SMARCD3: variants seen among roughly 807,000 people sequenced by gnomAD.
SMARCD3 encodes the protein SWI/SNF-related matrix-associated actin-dependent regulator of chromatin subfamily D member 3.
In SMARCD3, 14 loss-of-function variants were observed where a neutral mutation model predicts 58.0. That is an observed-to-expected ratio of 0.24 (90% CI 0.16 to 0.38). The LOEUF is 0.38. Among genes scored for constraint, SMARCD3 ranks in the 10% least tolerant of loss-of-function variants. The pLI, the probability that SMARCD3 is intolerant of heterozygous loss-of-function variation, is 1.00. For synonymous variants in SMARCD3, 253 were observed against 253.8 expected (o/e 1.00, Z 0.03); for missense variants, 408 against 636.9 (o/e 0.64, Z 3.87).
chr7:151,266,901 T>C (rs754908193), intron 2 of SMARCD3, among the ~76,000 whole-genome samples: 1 of 152,142 alleles, frequency 6.6e-6, no homozygotes, highest in Non-Finnish European at 1.5e-5. Context: ...TTTGTAGAAA[T>C]GGGGTGTTGC....
chr7:151,257,730 C>T (rs776942025), intron 2 of SMARCD3, among the ~76,000 whole-genome samples: 7 of 152,124 alleles, frequency 4.6e-5, no homozygotes, highest in East Asian at 1.9e-4. Context: ...TCTGAGTCCC[C>T]GGGGACCATC....
At chr7:151,261,048 G>A (rs558705469) in intron 2 of SMARCD3, among the ~76,000 whole-genome samples, 1 of 152,274 alleles carries the variant, frequency 6.6e-6, no homozygotes, top group African/African-American at 2.4e-5. Flanking sequence ...AGGGGTGGGC[G>A]GTGGGGAGGC....
rs1404225695 is a variant in SMARCD3 at position 151,239,870 on chromosome 7, C to T, written c.1174-124G>A. The T allele has an allele frequency of 1.8e-6, 2 of 1,098,250 alleles. No individual in the cohort carries two copies. Among genetic ancestry groups the T allele is most frequent in the African/African-American group, 3.1e-5 (2 of 64,142 alleles). The allele number at this position is 1,098,250 out of a possible 1,614,324, so 68.0% of individuals were successfully genotyped here. The stretch of plus-strand genomic sequence containing the variant: ...CTGTGAAGGACAACCCCTCAGAGCC[C>T]CTGATTTCTCTGAAGTCCCAGGGGA... On this transcript the variant is annotated intron_variant, in intron 10 of 12. Transcript: ENST00000262188. This position sits in a 1 kb window ranked among gnomAD's most constrained non-coding sequence, Gnocchi z 7.0.
intron 1 of SMARCD3, among the ~76,000 whole-genome samples, chr7:151,276,439 G>A (rs1367893352): frequency 1.4e-5 from 2 of 144,410 alleles, no homozygotes. Context: ...GGGGAGGAGG[G>A]GAAGGTGCCA....
chr7:151,261,050 T>TG (rs1272590748), intron 2 of SMARCD3, among the ~76,000 whole-genome samples: 2 of 151,970 alleles, frequency 1.3e-5, no homozygotes, highest in African/African-American at 4.8e-5. Flanking sequence ...GGGTGGGCGG[T>TG]GGGGAGGCGG....
At position 151,256,586 on chromosome 7, in the gene SMARCD3, CATT is replaced by C. The variant is rs781631873; in HGVS notation, c.40-10918_40-10916del. Among the ~76,000 whole-genome samples the C allele has an allele frequency of 5.9e-5, 9 of 152,296 alleles. No homozygotes were observed. The South Asian group carries it at 8.3e-4, about 14-fold the overall frequency. The stretch of plus-strand genomic sequence containing the variant: ...GACACACAGCCACCCCACCCGGTCT[CATT>C]GTGGATTCGGCACGAGCTCAGCTGG... On this transcript the variant is annotated intron_variant, in intron 2 of 13. Transcript: ENST00000356800.
chr7:151,242,374 C>T lies in SMARCD3; in HGVS notation c.579+107G>A. The T allele has an allele frequency of 6.6e-7, 1 of 1,516,220 alleles. No individual in the cohort carries two copies. The highest frequency in any genetic ancestry group is 9.1e-7 in the Non-Finnish European group (1 of 1,101,542). 93.9% of individuals were successfully genotyped at this position (1,516,220 alleles called of 1,614,324 possible). A position where few individuals can be genotyped will look rare whatever the true frequency, so the allele number is the denominator to read the frequency against. ...GAATGTCTCTAGGCCTGCCCCTCCA[C>T]CCAGCCTGGGCTGACTCCCTAGCCC... On this transcript the variant is annotated intron_variant, in intron 5 of 12. Transcript: ENST00000262188. This position sits in a 1 kb window ranked among gnomAD's most constrained non-coding sequence, Gnocchi z 4.7.
intron 2 of SMARCD3, among the ~76,000 whole-genome samples, chr7:151,258,576 AAAAAG>A (rs1347910471): frequency 5.3e-5 from 8 of 150,532 alleles, no homozygotes; most frequent in East Asian, 3.9e-4. Flanking sequence ...AAAAAAAAAA[AAAAAG>A]AAAAAGAAAA....
At chr7:151,256,450 C>A (rs1360837900) in intron 2 of SMARCD3, among the ~76,000 whole-genome samples, 1 of 152,140 alleles carries the variant, frequency 6.6e-6, no homozygotes, top group Non-Finnish European at 1.5e-5. Flanking sequence ...GGATTACAGG[C>A]ATAAGCCACT....
At chr7:151,252,732 G>GA (rs201350174), upstream of SMARCD3, among the ~76,000 whole-genome samples, 1 of 90 alleles carries the variant, frequency 0.011, no homozygotes, top group South Asian at 0.25. Flanking sequence ...GGGACGCTCC[G>GA]AAGCCAGGCC....
Position 151,243,689 on chromosome 7 carries a change from C to T in SMARCD3, c.303G>A (p.Arg101=), listed in dbSNP as rs373251971. 3.1e-5 allele frequency: 50 copies of T among 1,611,442 alleles called. No individual in the cohort carries two copies. The highest frequency in any genetic ancestry group is 3.9e-5 in the Non-Finnish European group (46 of 1,177,724). The change falls in exon 3 of 13, where the codon AGG becomes AGA. Residue 101 remains arginine (R), a synonymous_variant. Transcript: ENST00000262188. This position sits in a 1 kb window ranked among gnomAD's most constrained non-coding sequence, Gnocchi z 4.4. ...APARSRSAKR[R]KMADKILPQR... ...GAGGGAGGATTTTGTCAGCCATCTT[C>T]CTCCTCTTGGCACTGTACATTTTTT...
chr7:151,239,231 C>T lies in SMARCD3; in HGVS notation c.1399-75G>A, dbSNP rs1333216641. The T allele has an allele frequency of 1.6e-5, 24 of 1,508,592 alleles. No homozygotes were observed. The Middle Eastern group carries it at 5.1e-4, about 32-fold the overall frequency. The allele number at this position is 1,508,592 out of a possible 1,614,324, so 93.5% of individuals were successfully genotyped here. ...TCAGGACAATCCCACCTACTGACACCGCCTGCCCTGAAAGAGCATCTGGGA... is the reference window on the plus strand; with the variant it reads ...TCAGGACAATCCCACCTACTGACACTGCCTGCCCTGAAAGAGCATCTGGGA... On this transcript the variant is annotated intron_variant, in intron 12 of 12. Transcript: ENST00000262188. The surrounding 1 kb of genome is among the most constrained non-coding windows in gnomAD (Gnocchi z 7.0).
At chr7:151,258,778 C>G (rs1803794931) in intron 2 of SMARCD3, among the ~76,000 whole-genome samples, 1 of 151,932 alleles carries the variant, frequency 6.6e-6, no homozygotes, top group Non-Finnish European at 1.5e-5. Flanking sequence ...CTTCTGGGCT[C>G]CCTGTGGTGC....
rs763768758 is a variant in SMARCD3 at position 151,243,661 on chromosome 7, T to G, written c.331A>C (p.Arg111=). Residue 111 remains arginine, a splice_region_variant and synonymous_variant, in exon 3 of 13, where the codon AGG becomes CGG. Transcript: ENST00000262188. The surrounding 1 kb of genome is among the most constrained non-coding windows in gnomAD (Gnocchi z 4.4). ...GGGCTGCTGTGAAAGGCACTCACCCTTTGAGGGAGGATTTTGTCAGCCATC... is the reference window on the plus strand; with the variant it reads ...GGGCTGCTGTGAAAGGCACTCACCCGTTGAGGGAGGATTTTGTCAGCCATC... ...RKMADKILPQ[R]IRELVPESQA... 2 of 1,605,934 alleles carry G rather than the reference T, an allele frequency of 1.2e-6. No homozygotes were observed. Among genetic ancestry groups the G allele is most frequent in the Admixed American group, 3.3e-5 (2 of 60,022 alleles).
At chr7:151,250,152 A>G (rs929344481), upstream of SMARCD3, among the ~76,000 whole-genome samples, 2 of 151,892 alleles carry the variant, frequency 1.3e-5, no homozygotes, top group Non-Finnish European at 2.9e-5. Context: ...CTGCAGCCTG[A>G]TTTCTGCTGG....
At position 151,246,439 on chromosome 7, in the gene SMARCD3, CAG is replaced by C. The variant is rs1191186825; in HGVS notation, c.79-770_79-769del. 1.3e-5 allele frequency among the ~76,000 whole-genome samples: 2 copies of C among 152,158 alleles called. No individual in the cohort carries two copies. Among genetic ancestry groups the C allele is most frequent in the East Asian group, 3.9e-4 (2 of 5,188 alleles). On this transcript the variant is annotated intron_variant, in intron 1 of 12. Coordinates refer to ENST00000262188, the MANE Select transcript of SMARCD3 (RefSeq NM_001003801.2). This position sits in a 1 kb window ranked among gnomAD's most constrained non-coding sequence, Gnocchi z 4.4. ...GGGCTGGAGGCAGGGCAGGCAAGGG[CAG>C]CCTGCTGGGGCGCCCCAGACACAGC...
In SMARCD3 at chr7:151,248,410, G is replaced by C; in HGVS notation, c.78+75C>G. 6 of 1,246,360 alleles carry C rather than the reference G, an allele frequency of 4.8e-6. No individual in the cohort carries two copies. The highest frequency in any genetic ancestry group is 5.8e-6 in the Non-Finnish European group (5 of 860,268). The allele number at this position is 1,246,360 out of a possible 1,614,324, so 77.2% of individuals were successfully genotyped here. ...GGTGGGAGAGCGGGAGCGCCCTCCC[G>C]GCCCCTCCCGATCAGCCCTCCATTC... On this transcript the variant is annotated intron_variant, in intron 1 of 12. Transcript: ENST00000262188. The surrounding 1 kb of genome is among the most constrained non-coding windows in gnomAD (Gnocchi z 6.1).
rs1803072270 is a variant in SMARCD3 at position 151,242,927 on chromosome 7, G to C, written c.334-84C>G. ...ATGTATGCATGTTGTGCAATCCTAG[G>C]GTACAAAAGATGTCAGGGGAGCCAT... is the stretch of plus-strand genomic sequence containing the variant. On this transcript the variant is annotated intron_variant, in intron 3 of 12. Transcript: ENST00000262188. The surrounding 1 kb of genome is among the most constrained non-coding windows in gnomAD (Gnocchi z 4.7). 2 of 1,527,728 alleles carry C rather than the reference G, an allele frequency of 1.3e-6. No individual in the cohort carries two copies. Among genetic ancestry groups the C allele is most frequent in the African/African-American group, 2.8e-5 (2 of 72,246 alleles). The allele number at this position is 1,527,728 out of a possible 1,614,324, so 94.6% of individuals were successfully genotyped here. A position where few individuals can be genotyped will look rare whatever the true frequency, so the allele number is the denominator to read the frequency against.
intron 8 of SMARCD3, 39 bp from the exon 9 acceptor site, chr7:151,240,561 T>C (rs1019595469): frequency 7.1e-7 from 1 of 1,411,650 alleles, no homozygotes; most frequent in Non-Finnish European, 1.0e-6. Context: ...ATCACTCTTC[T>C]TGAAGAGATC....
Sources: allele counts gnomAD v4.1 joint callset (sites outside exome capture counted in the v4.1 genomes callset), GRCh38; gene constraint gnomAD v4.1.1; non-coding constraint Gnocchi (gnomAD v3.1); transcripts MANE v1.5; gene names NCBI Gene and HGNC (gene_info 2026-07-23, HGNC 2026-07-21).